ATP12A: variants seen among roughly 807,000 people sequenced by gnomAD.
ATP12A encodes potassium-transporting ATPase alpha chain 2.
ATP12A carries 81 observed loss-of-function variants against 111.2 expected under a neutral mutation model. The observed-to-expected ratio is 0.73, with a 90% CI of 0.61 to 0.88. The LOEUF is 0.88. Among genes scored for constraint, ATP12A ranks in the 40% least tolerant of loss-of-function variants. The pLI is 0.00. For missense variants in ATP12A, 1,196 were observed against 1,313.1 expected (o/e 0.91, Z 1.38); for synonymous variants, 498 against 499.8 (o/e 1.00, Z 0.05).
rs1318349310 is a variant in ATP12A, at chr13:24,711,372, T to G, written c.3054T>G (p.Asp1018Glu). Reference sequence around the variant, plus strand: ...ACGCCATCCTGATCTGGGTGTATGATGAGGTGCGGAAGCTCTTCATCAGGC... The same window carrying G: ...ACGCCATCCTGATCTGGGTGTATGAGGAGGTGCGGAAGCTCTTCATCAGGC... ...VPHAILIWVY[D>E]EVRKLFIRLY... The change falls in exon 22 of 23, where the codon GAT becomes GAG. Residue 1018 changes from aspartate to glutamate, a missense_variant. Asp to Glu is a conservative substitution (Grantham distance 45). This residue lies in a region of ATP12A where 1,126 missense variants were observed against 1,228.5 expected (regional missense o/e 0.92). Transcript: ENST00000381946. 3.1e-6 allele frequency: 5 copies of G among 1,611,936 alleles called. No individual in the cohort carries two copies. Among genetic ancestry groups the G allele is most frequent in the Non-Finnish European group, 4.2e-6 (5 of 1,179,000 alleles).
chr13:24,681,362 C>CACGG (rs1345690498), intron 1 of ATP12A, among the ~76,000 whole-genome samples, 200 bp from the exon 2 acceptor site: 1 of 152,142 alleles, frequency 6.6e-6, no homozygotes, highest in African/African-American at 2.4e-5. Flanking sequence ...CTCCCCTCTA[C>CACGG]ACGGACGGAG....
At chr13:24,701,246 C>T (rs1875379629) in intron 13 of ATP12A, among the ~76,000 whole-genome samples, 1 of 152,056 alleles carries the variant, frequency 6.6e-6, no homozygotes, top group Non-Finnish European at 1.5e-5. Flanking sequence ...GCCTGAAATC[C>T]CAGCACTTTG....
In ATP12A at chr13:24,690,716, T is replaced by G. The variant is rs1258121555; in HGVS notation, c.794T>G (p.Leu265Arg). The change falls in exon 7 of 23, where the codon CTG becomes CGG. Residue 265 changes from leucine to arginine, a missense_variant. By Grantham distance (102) the Leu-to-Arg change is moderately radical (BLOSUM62 -2). Coordinates refer to ENST00000381946, the MANE Select transcript of ATP12A (RefSeq NM_001676.7). ...KNICFYSTTC[L>R]EGTVTGMVIN... ...ATCTGCTTCTATTCCACAACGTGTCTGGAAGGTAAAAGGCCTCTGGCTCTC... is the reference window on the plus strand; with the variant it reads ...ATCTGCTTCTATTCCACAACGTGTCGGGAAGGTAAAAGGCCTCTGGCTCTC... The G allele has an allele frequency of 2.3e-5, 37 of 1,612,852 alleles. No homozygotes were observed. The highest frequency in any genetic ancestry group is 3.1e-5 in the Non-Finnish European group (36 of 1,179,348).
intron 17 of ATP12A, among the ~76,000 whole-genome samples, chr13:24,708,192 T>C (rs1045735358): frequency 6.6e-6 from 1 of 152,194 alleles, no homozygotes; most frequent in Non-Finnish European, 1.5e-5. Flanking sequence ...GTAGCAGTTA[T>C]GAAGACTTTA....
chr13:24,680,688 G>T lies in ATP12A; in HGVS notation c.-56G>T. 3 of 1,498,866 alleles carry T rather than the reference G, an allele frequency of 2.0e-6. No individual in the cohort carries two copies. Among genetic ancestry groups the T allele is most frequent in the Non-Finnish European group, 2.7e-6 (3 of 1,130,944 alleles). The allele number at this position is 1,498,866 out of a possible 1,614,324, so 92.8% of individuals were successfully genotyped here. A position where few individuals can be genotyped will look rare whatever the true frequency, so the allele number is the denominator to read the frequency against. On this transcript the variant is annotated 5_prime_UTR_variant, in exon 1 of 23. Transcript: ENST00000381946. ...GAGGCCCCCCACCGTGCGCTCCGCC[G>T]CTGCGGTCCCGGATCCGCGCTCCAC...
Position 24,700,452 on chromosome 13 carries a change from T to C in ATP12A, c.1706-295T>C, listed in dbSNP as rs74043333. On this transcript the variant is annotated intron_variant, in intron 12 of 22. Transcript: ENST00000381946. ...GTACCCTATGCTTGATCCCTTTAAC[T>C]CTGTGCCCCGCTAAACTTCAGAAGT... is the stretch of plus-strand genomic sequence containing the variant. Among the ~76,000 whole-genome samples the C allele has an allele frequency of 5.1e-3, 781 of 152,268 alleles. 2 individuals carry two copies. Among genetic ancestry groups the C allele is most frequent in the African/African-American group, 0.018 (743 of 41,560 alleles).
intron 2 of ATP12A, among the ~76,000 whole-genome samples, chr13:24,684,559 G>C (rs978255907): frequency 5.3e-5 from 8 of 152,094 alleles, no homozygotes; most frequent in African/African-American, 1.9e-4. Flanking sequence ...TTCTCAAAGG[G>C]AGAGGAGAAG....
rs1339016461 is a variant in ATP12A, at chr13:24,709,688, A to G, written c.2623A>G (p.Met875Val). 6 of 1,614,056 alleles carry G rather than the reference A, an allele frequency of 3.7e-6. No homozygotes were observed. In the East Asian group the frequency reaches 1.3e-4, roughly 36 times the overall value. ...AVYSYLHIGL[M>V]QALGAFLVYF... ...TATCTCTCTTGTTCTTTCAGGCCTCATGCAAGCCCTGGGAGCTTTCCTTGT... is the reference window on the plus strand; with the variant it reads ...TATCTCTCTTGTTCTTTCAGGCCTCGTGCAAGCCCTGGGAGCTTTCCTTGT... Residue 875 changes from methionine to valine, a missense_variant, in exon 19 of 23, where the codon ATG becomes GTG. Transcript: ENST00000381946.
At chr13:24,686,608 G>A (rs576102883) in intron 3 of ATP12A, among the ~76,000 whole-genome samples, 122 of 150,756 alleles carry the variant, frequency 8.1e-4, no homozygotes, top group African/African-American at 2.7e-3. Flanking sequence ...GCACGGTGGC[G>A]GGCGCCTGTA....
intron 15 of ATP12A, 107 bp from the exon 16 acceptor site, chr13:24,706,915 TA>T: frequency 7.8e-7 from 1 of 1,281,214 alleles, no homozygotes; most frequent in Non-Finnish European, 1.1e-6. Flanking sequence ...CGTTCAGCTA[TA>T]ATCATCCTCG....
rs1875998043 is a variant in ATP12A, at chr13:24,712,059, C to T, written c.*537C>T. The stretch of plus-strand genomic sequence containing the variant: ...ATCACAGCAGCACGCATGACCTCAG[C>T]TTTGACTCGTTTAACTCTGAGACGT... On this transcript the variant is annotated 3_prime_UTR_variant, in exon 23 of 23. Transcript: ENST00000381946. 6.2e-6 allele frequency: 1 copy of T among 160,672 alleles called. No homozygotes were observed. Among genetic ancestry groups the T allele is most frequent in the Non-Finnish European group, 1.4e-5 (1 of 73,050 alleles). 10.0% of individuals were successfully genotyped at this position (160,672 alleles called of 1,614,324 possible). A position where few individuals can be genotyped will look rare whatever the true frequency, so the allele number is the denominator to read the frequency against.
At chr13:24,694,346 T>C (rs2137701985) in intron 10 of ATP12A, 98 bp from the exon 11 acceptor site, 1 of 1,440,104 alleles carries the variant, frequency 6.9e-7, no homozygotes, top group East Asian at 2.3e-5. Flanking sequence ...TCCAGCTAGG[T>C]GGTAATGGGA....
Position 24,680,805 on chromosome 13 carries a change from C to T in ATP12A, c.9+53C>T, listed in dbSNP as rs1443414125. ...GATGCGAGACGCTGGGCCAAGGCCC[C>T]GGGGACCGGAGCAGGCTGACGGGAA... On this transcript the variant is annotated intron_variant, in intron 1 of 22. Transcript: ENST00000381946. The T allele has an allele frequency of 1.8e-5, 26 of 1,459,254 alleles. 1 individual carries two copies. Among genetic ancestry groups the T allele is most frequent in the East Asian group, 1.8e-4 (6 of 33,978 alleles). 90.4% of individuals were successfully genotyped at this position (1,459,254 alleles called of 1,614,324 possible).
intron 10 of ATP12A, among the ~76,000 whole-genome samples, chr13:24,693,534 C>T (rs796133068): frequency 9.9e-5 from 15 of 152,254 alleles, no homozygotes; most frequent in African/African-American, 3.1e-4. Flanking sequence ...GCTTCTTTGT[C>T]GATATCTTCC....
In ATP12A at chr13:24,709,815, A is replaced by G; in HGVS notation, c.2750A>G (p.Tyr917Cys). The change falls in exon 19 of 23, where the codon TAT (tyrosine) becomes TGT (cysteine). Residue 917 changes from tyrosine (Y) to cysteine (C), a missense_variant. By Grantham distance (194) the Tyr-to-Cys change is radical. Transcript: ENST00000381946. Reference protein sequence around the residue: ...KDYVNDLKDSYGQEWTRYQRE... With the variant: ...KDYVNDLKDSCGQEWTRYQRE... ...TACGTGAATGACTTGAAAGACAGCT[A>G]TGGGCAGGAATGGGTGAGTGGCGGG... 6.2e-7 allele frequency: 1 copy of G among 1,614,130 alleles called. No homozygotes were observed.
At position 24,700,810 on chromosome 13, in the gene ATP12A, C is replaced by T; in HGVS notation, c.1769C>T (p.Ala590Val). Residue 590 changes from alanine (A) to valine (V), a missense_variant, in exon 13 of 23, where the codon GCT (alanine) becomes GTT (valine). By Grantham distance (64) the Ala-to-Val change is moderately conservative (BLOSUM62 0). Around this residue, in one of 3 missense-constraint regions of ATP12A, gnomAD observed 1,126 missense variants for 1,228.5 expected, o/e 0.92. Coordinates refer to ENST00000381946, the MANE Select transcript of ATP12A (RefSeq NM_001676.7). ...GAAACCTACTCATTTGACATAGACGCTATGAACTTTCCGACCTCCAACCTC... is the reference window on the plus strand; with the variant it reads ...GAAACCTACTCATTTGACATAGACGTTATGAACTTTCCGACCTCCAACCTC... The part of the protein sequence containing the change: ...FPETYSFDID[A>V]MNFPTSNLCF... 1.2e-6 allele frequency: 2 copies of T among 1,614,138 alleles called. No individual in the cohort carries two copies. The highest frequency in any genetic ancestry group is 1.1e-5 in the South Asian group (1 of 91,076).
intron 11 of ATP12A, among the ~76,000 whole-genome samples, chr13:24,695,191 C>T (rs535170346): frequency 6.6e-6 from 1 of 152,234 alleles, no homozygotes; most frequent in African/African-American, 2.4e-5. Flanking sequence ...AGAGGGAGTG[C>T]GGCACAGTTC....
rs1875884835 is a variant in ATP12A, at chr13:24,709,825, A to G, written c.2760A>G (p.Glu920=). 3 of 1,613,910 alleles carry G rather than the reference A, an allele frequency of 1.9e-6. No homozygotes were observed. Among genetic ancestry groups the G allele is most frequent in the Non-Finnish European group, 2.5e-6 (3 of 1,179,902 alleles). ...VNDLKDSYGQ[E]WTRYQREYLE... ...ACTTGAAAGACAGCTATGGGCAGGA[A>G]TGGGTGAGTGGCGGGAGCCCTGCTG... The change falls in exon 19 of 23, where the codon GAA becomes GAG. Residue 920 remains glutamate, a synonymous_variant. Transcript: ENST00000381946.
At position 24,706,354 on chromosome 13, in the gene ATP12A, A is replaced by G. The variant is rs375375813; in HGVS notation, c.2060A>G (p.Asp687Gly). The stretch of plus-strand genomic sequence containing the variant: ...GTGGTGACTGGCATGGAGCTGAAGG[A>G]CATGAGCTCAGAACAGCTGGATGAG... Reference protein sequence around the residue: ...AAVVTGMELKDMSSEQLDEIL... With the variant: ...AAVVTGMELKGMSSEQLDEIL... Residue 687 changes from aspartate to glycine, a missense_variant, in exon 15 of 23, where the codon GAC becomes GGC. Around this residue, in one of 3 missense-constraint regions of ATP12A, gnomAD observed 1,126 missense variants for 1,228.5 expected, o/e 0.92. Transcript: ENST00000381946. The G allele has an allele frequency of 1.2e-6, 2 of 1,614,132 alleles. No homozygotes were observed. The highest frequency in any genetic ancestry group is 2.7e-5 in the African/African-American group (2 of 74,952).
Sources: gnomAD v4.1 joint callset for allele counts (sites outside exome capture counted in the v4.1 genomes callset) on GRCh38, gnomAD v4.1.1 for gene constraint, gnomAD v4.1.1 regional missense constraint, MANE v1.5 for transcripts, NCBI Gene and HGNC (gene_info 2026-07-23, HGNC 2026-07-21) for gene names.